SOX5: variants seen among roughly 807,000 people sequenced by gnomAD.
SOX5 encodes SRY-box transcription factor 5, also known as transcription factor SOX-5.
In SOX5, 9 loss-of-function variants were observed where a neutral mutation model predicts 92.0. The ratio of observed to expected loss-of-function variants is 0.10; its 90% CI spans 0.06 to 0.17. The LOEUF (loss-of-function observed/expected upper bound fraction) is 0.17. SOX5 is among the 10% of genes least tolerant of loss of function. The probability of loss-of-function intolerance (pLI) is 1.00; values close to 1 mark genes in which losing one functional copy is unlikely to be tolerated. For missense variants in SOX5, 642 were observed against 944.5 expected, an observed-to-expected ratio of 0.68 and a Z score of 4.20; for synonymous variants, 344 against 336.3, an observed-to-expected ratio of 1.02 and a Z score of -0.25.
At chr12:23,604,598 A>G in intron 8 of SOX5, 65 bp from the exon 9 acceptor site, 1 of 1,477,102 alleles carries the variant, frequency 6.8e-7, no homozygotes, top group Admixed American at 1.7e-5. Context: ...CGTACCATTC[A>G]GAAAGTACAT....
At chr12:24,260,535 C>T (rs1346685185) in intron 3 of SOX5, among the ~76,000 whole-genome samples, 2 of 152,184 alleles carry the variant, frequency 1.3e-5, no homozygotes, top group Non-Finnish European at 2.9e-5. Context: ...GAGTATAGTA[C>T]AGGGGAAGAG....
chr12:23,875,352 G>T (rs2096916820), intron 2 of SOX5, among the ~76,000 whole-genome samples: 1 of 152,122 alleles, frequency 6.6e-6, no homozygotes, highest in Non-Finnish European at 1.5e-5. Context: ...GCTGCTGAAA[G>T]GTTTTCATTA....
chr12:24,316,788 CTTTAT>C (rs756963349), intron 2 of SOX5, among the ~76,000 whole-genome samples: 62 of 152,100 alleles, frequency 4.1e-4, no homozygotes, highest in African/African-American at 1.1e-3. Context: ...GTAGGATAGT[CTTTAT>C]TTTATTTTAT....
chr12:23,777,740 T>C (rs2095151096), intron 3 of SOX5, among the ~76,000 whole-genome samples: 1 of 151,816 alleles, frequency 6.6e-6, no homozygotes, highest in Non-Finnish European at 1.5e-5. Flanking sequence ...TAAATTCAAC[T>C]ATGCTCATTT....
At chr12:23,967,426 G>C (rs1947721571) in intron 4 of SOX5, among the ~76,000 whole-genome samples, 1 of 151,396 alleles carries the variant, frequency 6.6e-6, no homozygotes, top group Non-Finnish European at 1.5e-5. Context: ...TTCTTAATCT[G>C]GTGACAGCAT....
intron 1 of SOX5, among the ~76,000 whole-genome samples, chr12:23,911,889 G>A (rs1367722635): frequency 6.6e-6 from 1 of 152,090 alleles, no homozygotes; most frequent in Non-Finnish European, 1.5e-5. Context: ...CTTGGGTTAG[G>A]CAATGGTTTG....
At chr12:24,294,066 A>G (rs987969017) in intron 2 of SOX5, among the ~76,000 whole-genome samples, 1 of 152,250 alleles carries the variant, frequency 6.6e-6, no homozygotes, top group South Asian at 2.1e-4. Context: ...CAAAAGCATC[A>G]GAAATACATG....
Position 23,729,253 on chromosome 12 carries a change from C to T in SOX5, c.810+5431G>A, listed in dbSNP as rs2140800592. 1.3e-5 allele frequency among the ~76,000 whole-genome samples: 2 copies of T among 152,184 alleles called. 1 individual carries two copies. The highest frequency in any genetic ancestry group is 4.1e-4 in the South Asian group (2 of 4,828). On this transcript the variant is annotated intron_variant, in intron 6 of 14. Transcript: ENST00000451604. ...TTTTTTATAGATTGCAATAATAAAACTCAAAGGGAGTAAACCATCTTCTCA... is the reference window on the plus strand; with the variant it reads ...TTTTTTATAGATTGCAATAATAAAATTCAAAGGGAGTAAACCATCTTCTCA...
At chr12:24,193,844 A>G (rs1399652045) in intron 4 of SOX5, among the ~76,000 whole-genome samples, 1 of 152,228 alleles carries the variant, frequency 6.6e-6, no homozygotes, top group Non-Finnish European at 1.5e-5. Context: ...CAGAGAAAAA[A>G]GTAGTTTTGA....
chr12:24,198,899 C>A (rs531901993), intron 4 of SOX5, among the ~76,000 whole-genome samples: 2 of 152,122 alleles, frequency 1.3e-5, no homozygotes, highest in East Asian at 3.9e-4. Context: ...GGGCTCTGGG[C>A]AAAATGAGAA....
rs1229745605 is a variant in SOX5 at position 23,530,529 on chromosome 12, TG to T, written c.*3689del. ...TGTTCTTTGGGAGGGATTTTATACATGGTTAACTCTTAACTGCAGATGCCAA... is the reference window on the plus strand; with the variant it reads ...TGTTCTTTGGGAGGGATTTTATACATGTTAACTCTTAACTGCAGATGCCAA... On this transcript the variant is annotated 3_prime_UTR_variant, in exon 15 of 15. Coordinates refer to ENST00000451604, the MANE Select transcript of SOX5 (RefSeq NM_006940.6). 1 of 152,200 alleles carries T rather than the reference TG, an allele frequency of 6.6e-6. No homozygotes were observed. Among genetic ancestry groups the T allele is most frequent in the Admixed American group, 6.5e-5 (1 of 15,280 alleles). The allele number at this position is 152,200 out of a possible 1,614,324, so 9.4% of individuals were successfully genotyped here. A position where few individuals can be genotyped will look rare whatever the true frequency, so the allele number is the denominator to read the frequency against.
chr12:23,714,481 G>T (rs1187269061), intron 6 of SOX5, among the ~76,000 whole-genome samples: 21 of 152,106 alleles, frequency 1.4e-4, no homozygotes, highest in South Asian at 6.2e-4. Flanking sequence ...ACTTCTCCAG[G>T]CATGGTGGTG....
At chr12:23,605,401 A>T (rs1310801662) in intron 8 of SOX5, among the ~76,000 whole-genome samples, 1 of 149,926 alleles carries the variant, frequency 6.7e-6, no homozygotes, top group Non-Finnish European at 1.5e-5. Context: ...TAAAATTTTA[A>T]ATAACTATGT....
At chr12:24,143,787 G>C (rs1249726139) in intron 4 of SOX5, among the ~76,000 whole-genome samples, 1 of 149,932 alleles carries the variant, frequency 6.7e-6, no homozygotes, top group Non-Finnish European at 1.5e-5. Flanking sequence ...CAGAACGACA[G>C]GTAATAAGAG....
intron 1 of SOX5, among the ~76,000 whole-genome samples, chr12:24,497,312 A>C (rs988445333): frequency 1.3e-5 from 2 of 152,242 alleles, no homozygotes; most frequent in African/African-American, 4.8e-5. Context: ...TTTTTAAAAA[A>C]GTATGTTCCT....
At chr12:24,310,862 T>A (rs2140790108) in intron 2 of SOX5, among the ~76,000 whole-genome samples, 1 of 143,716 alleles carries the variant, frequency 7.0e-6, no homozygotes, top group South Asian at 2.1e-4. Flanking sequence ...TTGTTTCTTT[T>A]TTTTTTTAAC....
chr12:23,915,610 C>T (rs1469224218), intron 1 of SOX5, among the ~76,000 whole-genome samples: 1 of 152,036 alleles, frequency 6.6e-6, no homozygotes, highest in African/African-American at 2.4e-5. Context: ...TACTAATAGT[C>T]TTCCTACTAC....
intron 4 of SOX5, among the ~76,000 whole-genome samples, chr12:24,148,678 C>A (rs1951335738): frequency 8.1e-6 from 1 of 122,806 alleles, no homozygotes; most frequent in Admixed American, 8.8e-5. Flanking sequence ...AGTGAGACCC[C>A]CATCTCTACT....
intron 6 of SOX5, among the ~76,000 whole-genome samples, chr12:23,723,418 G>C (rs1401146412): frequency 3.3e-5 from 5 of 151,936 alleles, no homozygotes; most frequent in Non-Finnish European, 5.9e-5. Flanking sequence ...AAAATAAAAA[G>C]AGTAAAAGAA....
Sources: allele counts gnomAD v4.1 joint callset (sites outside exome capture counted in the v4.1 genomes callset), GRCh38; gene constraint gnomAD v4.1.1; transcripts MANE v1.5; gene names NCBI Gene and HGNC (gene_info 2026-07-23, HGNC 2026-07-21).